LAMB1: variants seen among roughly 807,000 people sequenced by gnomAD.
The protein encoded by LAMB1 is laminin subunit beta 1, also known as laminin subunit beta-1.
LAMB1 carries 121 observed loss-of-function variants against 222.3 expected under a neutral mutation model. The ratio of observed to expected loss-of-function variants is 0.54; its 90% CI spans 0.47 to 0.63. The LOEUF (loss-of-function observed/expected upper bound fraction) is 0.63. Ranked by LOEUF, LAMB1 falls within the 30% of genes least tolerant of loss-of-function variation. The probability of loss-of-function intolerance (pLI) is 0.00; values close to 1 mark genes in which losing one functional copy is unlikely to be tolerated. For missense variants in LAMB1, 2,172 were observed against 2,240.8 expected, an observed-to-expected ratio of 0.97 and a Z score of 0.62; for synonymous variants, 794 against 807.2, an observed-to-expected ratio of 0.98 and a Z score of 0.28.
rs899604578 is a variant in LAMB1, at chr7:107,986,100, A to G, written c.613-15T>C. ...CGAAATATCACCTAAAAATGGAAAC[A>G]AGAGTAATTGGTACTTCTGCAATAA... On this transcript the variant is annotated splice_polypyrimidine_tract_variant and intron_variant, in intron 6 of 33. Coordinates refer to ENST00000222399, the MANE Select transcript of LAMB1 (RefSeq NM_002291.3). The G allele has an allele frequency of 1.2e-6, 2 of 1,612,000 alleles. No individual in the cohort carries two copies. The highest frequency in any genetic ancestry group is 2.7e-5 in the African/African-American group (2 of 74,774).
chr7:107,978,006 A>C (rs1202912489), intron 9 of LAMB1, 41 bp downstream of exon 9: 2 of 1,612,630 alleles, frequency 1.2e-6, no homozygotes, highest in Non-Finnish European at 1.7e-6. Context: ...TGGATACTAG[A>C]GCCTGAATGG....
intron 29 of LAMB1, among the ~76,000 whole-genome samples, chr7:107,930,504 A>T (rs1167435231): frequency 6.6e-6 from 1 of 152,212 alleles, no homozygotes; most frequent in Non-Finnish European, 1.5e-5. Flanking sequence ...AGTCAGGTAA[A>T]ATTATCAACC....
intron 8 of LAMB1, among the ~76,000 whole-genome samples, chr7:107,979,936 G>A (rs912528131): frequency 2.6e-5 from 4 of 151,972 alleles, no homozygotes; most frequent in Admixed American, 6.6e-5. Flanking sequence ...AGCCAGATAC[G>A]GTGGCACATG....
At chr7:107,985,157 A>ACATCTTATATCAGATGTAAATGTATTCC (rs2034049458) in intron 7 of LAMB1, among the ~76,000 whole-genome samples, 1 of 152,350 alleles carries the variant, frequency 6.6e-6, no homozygotes, top group East Asian at 1.9e-4. Context: ...TATTGTATTT[A>ACATCTTATATCAGATGTAAATGTATTCC]CATCTTATAT....
intron 32 of LAMB1, among the ~76,000 whole-genome samples, chr7:107,925,169 C>A (rs994101006): frequency 6.6e-6 from 1 of 152,090 alleles, no homozygotes; most frequent in Non-Finnish European, 1.5e-5. Context: ...GTTACTCTTA[C>A]GTAATGCCCG....
intron 27 of LAMB1, 63 bp downstream of exon 27, chr7:107,935,343 CTTTGTTTTT>C: frequency 1.5e-6 from 2 of 1,371,578 alleles, no homozygotes; most frequent in Middle Eastern, 2.4e-4. Context: ...GTTTGTTTTT[CTTTGTTTTT>C]TTTTTTTTTT....
At chr7:107,976,839 CTCCTTCCTTCCTTTCCTCTCCT>C (rs1346045767) in intron 9 of LAMB1, among the ~76,000 whole-genome samples, 22 of 148,724 alleles carry the variant, frequency 1.5e-4, no homozygotes, top group Admixed American at 3.4e-4. Context: ...TTTCCTCTCT[CTCCTTCCTTCCTTTCCTCTCCT>C]TCCTTCCTTC....
intron 27 of LAMB1, among the ~76,000 whole-genome samples, chr7:107,933,978 G>A (rs1285681225): frequency 6.6e-6 from 1 of 151,804 alleles, no homozygotes; most frequent in African/African-American, 2.4e-5. Context: ...ACTTGTTTGT[G>A]ATAACTGATT....
At position 107,953,585 on chromosome 7, in the gene LAMB1, G is replaced by C. The variant is rs897085696; in HGVS notation, c.3024C>G (p.His1008Gln). ...LKCLYHTEGE[H>Q]CQFCRFGYYG... is the part of the protein sequence containing the mutation. ...AGTATCCAAACCGGCAGAACTGACA[G>C]TGTTCCCCTTCCGTGTGGTACAGGC... The change falls in exon 22 of 34, where the codon CAC becomes CAG. Residue 1008 changes from histidine (H) to glutamine (Q), a missense_variant. Transcript: ENST00000222399. The C allele has an allele frequency of 3.1e-6, 5 of 1,614,238 alleles. No homozygotes were observed. The Admixed American group carries it at 6.7e-5, about 22-fold the overall frequency.
chr7:107,932,450 C>T, intron 27 of LAMB1, 73 bp from the exon 28 acceptor site: 2 of 1,480,076 alleles, frequency 1.4e-6, no homozygotes, highest in Non-Finnish European at 1.9e-6. Flanking sequence ...TGTGCAGGGC[C>T]TGGGTGGCCC....
At chr7:107,940,772 T>C (rs2032962417) in intron 24 of LAMB1, among the ~76,000 whole-genome samples, 1 of 152,168 alleles carries the variant, frequency 6.6e-6, no homozygotes, top group African/African-American at 2.4e-5. Flanking sequence ...GTCTATACTC[T>C]TCACCTCCGT....
At chr7:107,994,588 G>T (rs892154693) in intron 5 of LAMB1, among the ~76,000 whole-genome samples, 1 of 152,090 alleles carries the variant, frequency 6.6e-6, no homozygotes, top group Non-Finnish European at 1.5e-5. Context: ...GTTTTATTGC[G>T]GTTTGGAAAA....
intron 13 of LAMB1, among the ~76,000 whole-genome samples, chr7:107,971,974 T>G (rs992633717): frequency 6.6e-6 from 1 of 152,206 alleles, no homozygotes; most frequent in African/African-American, 2.4e-5. Flanking sequence ...CAACATGTGT[T>G]CTGGGAGTCA....
Position 107,975,372 on chromosome 7 carries a change from A to G in LAMB1, c.1231T>C (p.Cys411Arg), listed in dbSNP as rs757081206. 1.2e-6 allele frequency: 2 copies of G among 1,613,612 alleles called. No individual in the cohort carries two copies. Among genetic ancestry groups the G allele is most frequent in the East Asian group, 4.5e-5 (2 of 44,880 alleles). ...GTAGAAAAATCAGTATAGCTGTCAC[A>G]AATTCCCTCATTTTGAGAGCCAGCT... ...DPAGSQNEGICDSYTDFSTGL... is the reference protein window; with the variant it reads ...DPAGSQNEGIRDSYTDFSTGL... The change falls in exon 11 of 34, where the codon TGT becomes CGT. Residue 411 changes from cysteine to arginine, a missense_variant. Cys to Arg is a radical substitution (Grantham distance 180). Coordinates refer to ENST00000222399, the MANE Select transcript of LAMB1 (RefSeq NM_002291.3).
intron 24 of LAMB1, among the ~76,000 whole-genome samples, chr7:107,948,487 G>A (rs1455056735): frequency 1.5e-4 from 23 of 152,166 alleles, no homozygotes; most frequent in Admixed American, 1.4e-3. Context: ...GTATCTCTTA[G>A]GGTATTTTCA....
chr7:107,974,551 G>A (rs2033813649), intron 12 of LAMB1, among the ~76,000 whole-genome samples: 1 of 151,986 alleles, frequency 6.6e-6, no homozygotes, highest in Non-Finnish European at 1.5e-5. Flanking sequence ...CCAATTTTCT[G>A]ATTATTTCAT....
Position 107,924,109 on chromosome 7 carries a change from T to TATAA in LAMB1, c.5225-23_5225-22insTTAT, listed in dbSNP as rs753927082. On this transcript the variant is annotated intron_variant, in intron 33 of 33. Transcript: ENST00000222399. ...AAATCTGTGGGGAGATATATATATA[T>TATAA]AAAGTCTGAGCAATTTATACTATGA... The TATAA allele has an allele frequency of 3.9e-6, 6 of 1,527,228 alleles. No individual in the cohort carries two copies. The African/African-American group carries it at 8.4e-5, about 21-fold the overall frequency. The allele number at this position is 1,527,228 out of a possible 1,614,324, so 94.6% of individuals were successfully genotyped here. A position where few individuals can be genotyped will look rare whatever the true frequency, so the allele number is the denominator to read the frequency against.
At chr7:107,995,854 GA>G (rs1394056712) in intron 4 of LAMB1, among the ~76,000 whole-genome samples, 6 of 152,104 alleles carry the variant, frequency 3.9e-5, no homozygotes, top group African/African-American at 1.4e-4. Flanking sequence ...GAATGTGTCA[GA>G]ATGAATCATG....
At chr7:107,991,770 T>A (rs1234712230) in intron 5 of LAMB1, among the ~76,000 whole-genome samples, 2 of 151,890 alleles carry the variant, frequency 1.3e-5, no homozygotes, top group African/African-American at 2.4e-5. Flanking sequence ...TAGCTGGGCA[T>A]GGTGGCACAT....
Sources: gnomAD v4.1 joint callset for allele counts (sites outside exome capture counted in the v4.1 genomes callset) on GRCh38, gnomAD v4.1.1 for gene constraint, MANE v1.5 for transcripts, NCBI Gene and HGNC (gene_info 2026-07-23, HGNC 2026-07-21) for gene names.